CCDC198: variants seen among roughly 807,000 people sequenced by gnomAD.
CCDC198 encodes coiled-coil domain containing 198.
Under a neutral mutation model 35.6 loss-of-function variants are expected in CCDC198, and 18 were observed. The ratio of observed to expected loss-of-function variants is 0.51; its 90% CI spans 0.35 to 0.75. CCDC198 has a LOEUF of 0.75. Among genes scored for constraint, CCDC198 ranks in the 30% least tolerant of loss-of-function variants. CCDC198 has a pLI of 0.01. For missense variants in CCDC198, 365 were observed against 343.7 expected, an observed-to-expected ratio of 1.06 and a Z score of -0.49; for synonymous variants, 119 against 113.4, an observed-to-expected ratio of 1.05 and a Z score of -0.31.
intron 2 of CCDC198, among the ~76,000 whole-genome samples, chr14:57,484,566 T>A (rs1268962952): frequency 6.6e-6 from 1 of 152,124 alleles, no homozygotes; most frequent in East Asian, 1.9e-4. Context: ...ACCTTTTTAG[T>A]AGAAATTGGA....
At chr14:57,484,350 G>A (rs1370014813) in intron 2 of CCDC198, among the ~76,000 whole-genome samples, 2 of 152,284 alleles carry the variant, frequency 1.3e-5, no homozygotes, top group East Asian at 3.9e-4. Context: ...GAAGAGAGAG[G>A]TTGGGGCGAT....
intron 5 of CCDC198, among the ~76,000 whole-genome samples, chr14:57,477,472 T>C (rs979250662): frequency 6.9e-6 from 1 of 145,112 alleles, no homozygotes; most frequent in African/African-American, 2.6e-5. Context: ...TAGGCTCATT[T>C]TGTCACGTGT....
At chr14:57,482,970 A>G (rs1197495193) in intron 3 of CCDC198, 95 bp downstream of exon 3, 7 of 1,539,236 alleles carry the variant, frequency 4.5e-6, no homozygotes, top group Admixed American at 1.7e-5. Context: ...TCCTCCATGC[A>G]GAGAGTGCAT....
rs2066783105 is a variant in CCDC198, at chr14:57,469,700, T to G, written c.*1655A>C. ...CCTACCACAGAAAAAGTAAGAAGACTACTCACAAAGAACTGGGAATAGATA... is the reference window on the plus strand; with the variant it reads ...CCTACCACAGAAAAAGTAAGAAGACGACTCACAAAGAACTGGGAATAGATA... On this transcript the variant is annotated 3_prime_UTR_variant, in exon 6 of 6. Coordinates refer to ENST00000216445, the MANE Select transcript of CCDC198 (RefSeq NM_018168.4). 6.6e-6 allele frequency: 1 copy of G among 152,220 alleles called. No individual in the cohort carries two copies. Among genetic ancestry groups the G allele is most frequent in the African/African-American group, 2.4e-5 (1 of 41,450 alleles). The allele number at this position is 152,220 out of a possible 1,614,324, so 9.4% of individuals were successfully genotyped here.
At chr14:57,476,115 C>T (rs114691953) in intron 5 of CCDC198, among the ~76,000 whole-genome samples, 1 of 151,962 alleles carries the variant, frequency 6.6e-6, no homozygotes, top group Non-Finnish European at 1.5e-5. Flanking sequence ...CCTGGCCACA[C>T]TTTACATTTT....
At chr14:57,482,813 C>T (rs1315908077) in intron 3 of CCDC198, among the ~76,000 whole-genome samples, 1 of 152,132 alleles carries the variant, frequency 6.6e-6, no homozygotes, top group East Asian at 1.9e-4. Flanking sequence ...TCTACATTGC[C>T]CTGGTTTTCA....
rs549862768 is a variant in CCDC198 at position 57,473,308 on chromosome 14, C to T, written c.656-1718G>A. On this transcript the variant is annotated intron_variant, in intron 5 of 5. Coordinates refer to ENST00000216445, the MANE Select transcript of CCDC198 (RefSeq NM_018168.4). ...GATCTCTTTCCTAAGCTACAAAGGA[C>T]GTTTTTGTAAAACTGGACACCTCCA... is the stretch of plus-strand genomic sequence containing the variant. Among the ~76,000 whole-genome samples the T allele has an allele frequency of 8.8e-4, 134 of 152,302 alleles. 1 individual carries two copies. Among genetic ancestry groups the T allele is most frequent in the Non-Finnish European group, 1.4e-3 (94 of 68,022 alleles).
chr14:57,490,859 T>G, intron 2 of CCDC198, 130 bp downstream of exon 2: 2 of 918,028 alleles, frequency 2.2e-6, no homozygotes, highest in South Asian at 3.5e-5. Context: ...TTGATGACAT[T>G]TTTCTTTAAG....
chr14:57,477,506 G>A (rs1047474882), intron 5 of CCDC198, among the ~76,000 whole-genome samples: 2 of 147,922 alleles, frequency 1.4e-5, no homozygotes, highest in Admixed American at 6.7e-5. Context: ...ACACACACAC[G>A]TACAGGAGTT....
intron 4 of CCDC198, among the ~76,000 whole-genome samples, chr14:57,481,121 G>GT (rs939917542): frequency 5.3e-5 from 8 of 152,088 alleles, no homozygotes; most frequent in Non-Finnish European, 7.4e-5. Flanking sequence ...CTGGTAAAGG[G>GT]TTTTTTTGTT....
chr14:57,483,146 A>G lies in CCDC198; in HGVS notation c.312T>C (p.Leu104=). Residue 104 remains leucine (L), a synonymous_variant, in exon 3 of 6, where the codon CTT becomes CTC. Coordinates refer to ENST00000216445, the MANE Select transcript of CCDC198 (RefSeq NM_018168.4). ...TTACTCGTGGCAAGTCAATGGGTTC[A>G]AGCTTCTAGAAGTTCAACGTTTAGA... The part of the protein sequence containing the change: ...KRHPPQRLQK[L]EPIDLPRVIT... 1 of 1,614,044 alleles carries G rather than the reference A, an allele frequency of 6.2e-7. No individual in the cohort carries two copies.
chr14:57,482,839 G>T (rs2067232484), intron 3 of CCDC198, among the ~76,000 whole-genome samples: 1 of 152,190 alleles, frequency 6.6e-6, no homozygotes, highest in Non-Finnish European at 1.5e-5. Context: ...AAGCAGAAAA[G>T]GGTGCAGAGC....
At position 57,493,702 on chromosome 14, in the gene CCDC198, T is replaced by C; in HGVS notation, c.14A>G (p.His5Arg). The change falls in exon 1 of 6, where the codon CAC becomes CGC. Residue 5 changes from histidine (H) to arginine (R), a missense_variant. His to Arg is a conservative substitution (Grantham distance 29). Coordinates refer to ENST00000216445, the MANE Select transcript of CCDC198 (RefSeq NM_018168.4). MGLS[H>R]SKTHLRVIKV... Reference sequence around the variant, plus strand: ...GATCACCCTAAGGTGAGTCTTAGAGTGACTCAGGCCCATTTCATGTGAAAG... The same window carrying C: ...GATCACCCTAAGGTGAGTCTTAGAGCGACTCAGGCCCATTTCATGTGAAAG... 6.2e-7 allele frequency: 1 copy of C among 1,612,378 alleles called. No individual in the cohort carries two copies. The highest frequency in any genetic ancestry group is 8.5e-7 in the Non-Finnish European group (1 of 1,179,024).
intron 2 of CCDC198, among the ~76,000 whole-genome samples, chr14:57,487,898 G>C (rs1566590175): frequency 1.3e-5 from 2 of 152,146 alleles, no homozygotes; most frequent in Non-Finnish European, 2.9e-5. Flanking sequence ...ATCTCTTTGG[G>C]AGTGTCTGCC....
chr14:57,478,902 G>A lies in CCDC198; in HGVS notation c.655+1693C>T, dbSNP rs1019964457. 4.6e-5 allele frequency: 57 copies of A among 1,248,062 alleles called. No individual in the cohort carries two copies. In the African/African-American group the frequency reaches 8.3e-4, roughly 18 times the overall value. The allele number at this position is 1,248,062 out of a possible 1,614,324, so 77.3% of individuals were successfully genotyped here. A position where few individuals can be genotyped will look rare whatever the true frequency, so the allele number is the denominator to read the frequency against. On this transcript the variant is annotated intron_variant, in intron 5 of 5. Coordinates refer to ENST00000216445, the MANE Select transcript of CCDC198 (RefSeq NM_018168.4). ...GTCTTAGAAGTTCAAGACCTCCAGA[G>A]ACATAGCCAGCTTTTCTGCAGCTCT... is the stretch of plus-strand genomic sequence containing the variant.
At position 57,480,621 on chromosome 14, in the gene CCDC198, G is replaced by A; in HGVS notation, c.629C>T (p.Pro210Leu). 6.2e-7 allele frequency: 1 copy of A among 1,614,094 alleles called. No individual in the cohort carries two copies. Among genetic ancestry groups the A allele is most frequent in the South Asian group, 1.1e-5 (1 of 91,070 alleles). The change falls in exon 5 of 6, where the codon CCT becomes CTT. Residue 210 changes from proline to leucine, a missense_variant. Pro to Leu is a moderately conservative substitution (Grantham distance 98, BLOSUM62 -3). Transcript: ENST00000216445. The part of the protein sequence containing the change: ...NDDHDLLTML[P>L]DEILNRGPGN... Reference sequence around the variant, plus strand: ...GGGACCTCTGTTCAAGATTTCATCAGGCAACATGGTTAGAAGGTCATGGTC... The same window carrying A: ...GGGACCTCTGTTCAAGATTTCATCAAGCAACATGGTTAGAAGGTCATGGTC...
chr14:57,482,429 G>A (rs528507104), intron 3 of CCDC198, among the ~76,000 whole-genome samples: 4 of 152,170 alleles, frequency 2.6e-5, no homozygotes, highest in East Asian at 1.9e-4. Flanking sequence ...GGATGTGACA[G>A]CACCTGGACA....
chr14:57,483,925 G>A (rs527847292), intron 2 of CCDC198, among the ~76,000 whole-genome samples: 3 of 152,150 alleles, frequency 2.0e-5, no homozygotes, highest in Admixed American at 1.3e-4. Flanking sequence ...GGGATGCAAC[G>A]GTCACCAAAA....
intron 5 of CCDC198, among the ~76,000 whole-genome samples, chr14:57,472,580 C>T (rs1176461147): frequency 6.6e-6 from 1 of 152,192 alleles, no homozygotes; most frequent in Non-Finnish European, 1.5e-5. Flanking sequence ...AGCAGAATCA[C>T]CTGTTGCAGC....
Sources: gnomAD v4.1 joint callset for allele counts (sites outside exome capture counted in the v4.1 genomes callset) on GRCh38, gnomAD v4.1.1 for gene constraint, MANE v1.5 for transcripts, NCBI Gene and HGNC (gene_info 2026-07-23, HGNC 2026-07-21) for gene names.